GRM7: variants seen among roughly 807,000 people sequenced by gnomAD.
The protein encoded by GRM7 is metabotropic glutamate receptor 7.
Under a neutral mutation model 84.5 loss-of-function variants are expected in GRM7, and 35 were observed. The ratio of observed to expected loss-of-function variants is 0.41; its 90% CI spans 0.32 to 0.55. The LOEUF is 0.55. Ranked by LOEUF, GRM7 falls within the 20% of genes least tolerant of loss-of-function variation. The pLI, the probability that GRM7 is intolerant of heterozygous loss-of-function variation, is 0.19. For missense variants in GRM7, 1,003 were observed against 1,194.6 expected, an observed-to-expected ratio of 0.84 and a Z score of 2.36; for synonymous variants, 487 against 455.1, an observed-to-expected ratio of 1.07 and a Z score of -0.89.
intron 2 of GRM7, among the ~76,000 whole-genome samples, chr3:7,273,403 C>A (rs368843391): frequency 6.6e-6 from 1 of 152,068 alleles, no homozygotes; most frequent in African/African-American, 2.4e-5. Flanking sequence ...TCAACTATGT[C>A]CTCACTAATT....
Position 7,229,747 on chromosome 3 carries a change from ATATATATATATATTTTTTTTT to A in GRM7, c.737-68935_737-68915del, listed in dbSNP as rs1559514634. ...CACACATATATATATATATATATAT[ATATATATATATATTTTTTTTT>A]TTTTTTGGTTGACAGGTGTTGAGTG... On this transcript the variant is annotated intron_variant, in intron 2 of 9. Transcript: ENST00000357716. Among the ~76,000 whole-genome samples, 70 of 29,766 alleles carry A rather than the reference ATATATATATATATTTTTTTTT, an allele frequency of 2.4e-3. 2 individuals carry two copies. Among genetic ancestry groups the A allele is most frequent in the Middle Eastern group, 0.033 (2 of 60 alleles). The allele number at this position is 29,766 out of a possible 152,430, so 19.5% of individuals were successfully genotyped here. A position where few individuals can be genotyped will look rare whatever the true frequency, so the allele number is the denominator to read the frequency against.
intron 7 of GRM7, among the ~76,000 whole-genome samples, chr3:7,492,761 T>C (rs1699567924): frequency 6.6e-6 from 1 of 152,112 alleles, no homozygotes; most frequent in Non-Finnish European, 1.5e-5. Context: ...TCTCATTTCT[T>C]GAGGTAGCAA....
intron 2 of GRM7, among the ~76,000 whole-genome samples, chr3:7,295,232 T>C (rs754035927): frequency 1.2e-4 from 18 of 152,198 alleles, no homozygotes; most frequent in Non-Finnish European, 2.1e-4. Flanking sequence ...TATTTTGGCA[T>C]CATTTGTTGA....
At chr3:7,227,474 C>T (rs558510397) in intron 2 of GRM7, among the ~76,000 whole-genome samples, 50 of 152,250 alleles carry the variant, frequency 3.3e-4, no homozygotes, top group Middle Eastern at 3.4e-3. Flanking sequence ...TCAGAGAGAC[C>T]TCCTATTGTA....
At chr3:6,882,822 G>T (rs1574965068) in intron 1 of GRM7, among the ~76,000 whole-genome samples, 1 of 152,252 alleles carries the variant, frequency 6.6e-6, no homozygotes, top group South Asian at 2.1e-4. Flanking sequence ...TACGTAGCCA[G>T]TTTCCTGCCA....
chr3:6,876,172 G>A (rs1049962720), intron 1 of GRM7, among the ~76,000 whole-genome samples: 1 of 151,850 alleles, frequency 6.6e-6, no homozygotes, highest in Non-Finnish European at 1.5e-5. Flanking sequence ...GGAGGCTGAG[G>A]CACAAGAATC....
Position 7,256,995 on chromosome 3 carries a change from T to C in GRM7, c.737-41689T>C, listed in dbSNP as rs774714732. On this transcript the variant is annotated intron_variant, in intron 2 of 9. Transcript: ENST00000357716. ...GAGAATTTCATTTCAGACAGAGGAA[T>C]CTGCTTAAGCCAAGGCTCAGAAGTG... Among the ~76,000 whole-genome samples, 35 of 152,346 alleles carry C rather than the reference T, an allele frequency of 2.3e-4. 1 individual carries two copies. In the South Asian group the frequency reaches 2.5e-3, roughly 11 times the overall value.
intron 1 of GRM7, among the ~76,000 whole-genome samples, chr3:6,901,741 A>C (rs1696395747): frequency 6.6e-6 from 1 of 151,580 alleles, no homozygotes; most frequent in African/African-American, 2.4e-5. Context: ...TAATACACCA[A>C]GATTAATGAG....
intron 7 of GRM7, among the ~76,000 whole-genome samples, chr3:7,511,553 T>C (rs187530748): frequency 2.6e-4 from 40 of 152,330 alleles, no homozygotes; most frequent in Non-Finnish European, 4.3e-4. Context: ...TCTCTTCAGC[T>C]GCGTTTTGCC....
chr3:7,349,037 C>T (rs1456097436), intron 4 of GRM7, among the ~76,000 whole-genome samples: 9 of 152,084 alleles, frequency 5.9e-5, no homozygotes, highest in African/African-American at 2.2e-4. Context: ...TGTGGTCCTC[C>T]TTTCAATAAT....
intron 2 of GRM7, among the ~76,000 whole-genome samples, chr3:7,190,059 G>A (rs911835983): frequency 2.0e-5 from 3 of 152,046 alleles, no homozygotes; most frequent in Non-Finnish European, 4.4e-5. Flanking sequence ...TTTCTGCAAG[G>A]TAGTTGAACA....
At chr3:7,330,706 G>T (rs916544038) in intron 4 of GRM7, among the ~76,000 whole-genome samples, 1 of 152,146 alleles carries the variant, frequency 6.6e-6, no homozygotes, top group African/African-American at 2.4e-5. Flanking sequence ...ATGATTCTGA[G>T]GCCTCCCCAG....
At chr3:7,140,410 G>A (rs1306086009) in intron 1 of GRM7, among the ~76,000 whole-genome samples, 1 of 151,996 alleles carries the variant, frequency 6.6e-6, no homozygotes, top group Non-Finnish European at 1.5e-5. Context: ...CCAGAATGAT[G>A]TTTTCTTAAA....
chr3:7,474,617 C>T (rs144211995), intron 7 of GRM7, among the ~76,000 whole-genome samples: 1 of 152,256 alleles, frequency 6.6e-6, no homozygotes, highest in African/African-American at 2.4e-5. Context: ...CTTTGCTAAG[C>T]ACAAAAGTGG....
intron 5 of GRM7, among the ~76,000 whole-genome samples, chr3:7,424,955 C>T (rs761980341): frequency 1.4e-4 from 21 of 152,126 alleles, no homozygotes; most frequent in Non-Finnish European, 1.8e-4. Flanking sequence ...CCATTATACA[C>T]GTGATGAAAT....
intron 7 of GRM7, among the ~76,000 whole-genome samples, chr3:7,573,052 C>A (rs1397995791): frequency 6.6e-6 from 1 of 150,666 alleles, no homozygotes; most frequent in Non-Finnish European, 1.5e-5. Flanking sequence ...GAAATAGAGG[C>A]TGAGTTTAAA....
Position 7,322,566 on chromosome 3 carries a change from C to T in GRM7, c.1033+15914C>T, listed in dbSNP as rs183320601. Among the ~76,000 whole-genome samples, 247 of 151,958 alleles carry T rather than the reference C, an allele frequency of 1.6e-3. 1 individual carries two copies. Among genetic ancestry groups the T allele is most frequent in the African/African-American group, 5.7e-3 (236 of 41,438 alleles). ...ATCCCTTGCCCCTCACCCCTCTTCC[C>T]CCACCCCAGTCCCCAAAGTCCATTA... On this transcript the variant is annotated intron_variant, in intron 4 of 9. Transcript: ENST00000357716.
intron 2 of GRM7, among the ~76,000 whole-genome samples, chr3:7,266,755 T>C (rs1698656817): frequency 6.6e-6 from 1 of 152,238 alleles, no homozygotes; most frequent in South Asian, 2.1e-4. Context: ...AATTTTGAGT[T>C]GCTGAATGTA....
intron 2 of GRM7, among the ~76,000 whole-genome samples, chr3:7,166,925 A>G (rs1913997): frequency 3.1e-3 from 475 of 152,328 alleles, no homozygotes; most frequent in African/African-American, 0.011. Context: ...CTTGTAAATC[A>G]TGACAACCTT....
Sources: gnomAD v4.1 joint callset for allele counts (sites outside exome capture counted in the v4.1 genomes callset) on GRCh38, gnomAD v4.1.1 for gene constraint, MANE v1.5 for transcripts, NCBI Gene and HGNC (gene_info 2026-07-23, HGNC 2026-07-21) for gene names.